The following SLC24A2 variants were observed in gnomAD, a reference collection of about 807,000 sequenced individuals.
SLC24A2 encodes solute carrier family 24 member 2.
In SLC24A2, 36 loss-of-function variants were observed where a neutral mutation model predicts 62.0. That is an observed-to-expected ratio of 0.58 (90% CI 0.44 to 0.77). The LOEUF is 0.77. Ranked by LOEUF, SLC24A2 falls within the 30% of genes least tolerant of loss-of-function variation. The probability of loss-of-function intolerance (pLI) is 0.00; values close to 1 mark genes in which losing one functional copy is unlikely to be tolerated. For missense variants in SLC24A2, 846 were observed against 817.9 expected (o/e 1.03, Z -0.42); for synonymous variants, 358 against 294.0 (o/e 1.22, Z -2.23).
the SLC24A2 span, among the ~76,000 whole-genome samples, chr9:20,138,481 C>G: frequency 5.9e-5 from 9 of 152,168 alleles, no homozygotes; most frequent in African/African-American, 1.7e-4. Flanking sequence ...CTTATGAAAT[C>G]TGGATCCTGA....
chr9:19,675,520 G>A (rs1455287350), intron 2 of SLC24A2, among the ~76,000 whole-genome samples: 1 of 152,138 alleles, frequency 6.6e-6, no homozygotes, highest in African/African-American at 2.4e-5. Flanking sequence ...CTTTTCGGGT[G>A]CGGCTTGCTG....
chr9:19,616,670 G>C (rs1249666249), intron 4 of SLC24A2, among the ~76,000 whole-genome samples: 1 of 152,158 alleles, frequency 6.6e-6, no homozygotes, highest in Admixed American at 6.6e-5. Flanking sequence ...TCTAGGCTTT[G>C]TGGGTAACTA....
the SLC24A2 span, among the ~76,000 whole-genome samples, chr9:19,877,842 A>C: frequency 6.6e-6 from 1 of 152,168 alleles, no homozygotes; most frequent in Admixed American, 6.5e-5. Context: ...AAGAGTGTAC[A>C]ACTTTGTGGC....
At chr9:20,067,566 C>A in the SLC24A2 span, among the ~76,000 whole-genome samples, 2 of 152,058 alleles carry the variant, frequency 1.3e-5, no homozygotes, top group Non-Finnish European at 2.9e-5. Context: ...TCCACAGTAT[C>A]TATTGTTCCC....
chr9:19,974,252 CT>C, the SLC24A2 span, among the ~76,000 whole-genome samples: 1 of 152,144 alleles, frequency 6.6e-6, no homozygotes, highest in Admixed American at 6.6e-5. Context: ...GAAATAATTT[CT>C]ACTTGGAAGG....
Position 19,783,186 on chromosome 9 carries a change from G to A in SLC24A2, c.930+2751C>T, listed in dbSNP as rs555465906. On this transcript the variant is annotated intron_variant, in intron 2 of 10. Transcript: ENST00000341998. ...TTGCCTATGAAGCAAGTAGTTTCAA[G>A]GATATTCACTGCCTAGAGCCCAGCA... 2.6e-5 allele frequency among the ~76,000 whole-genome samples: 4 copies of A among 152,246 alleles called. No individual in the cohort carries two copies. In the East Asian group the frequency reaches 7.7e-4, roughly 29 times the overall value.
At chr9:19,996,408 T>C in the SLC24A2 span, among the ~76,000 whole-genome samples, 3 of 152,296 alleles carry the variant, frequency 2.0e-5, no homozygotes, top group East Asian at 5.8e-4. Flanking sequence ...TATTTGTTAA[T>C]ATATGAATAC....
At chr9:20,175,789 T>C in the SLC24A2 span, among the ~76,000 whole-genome samples, 7 of 152,110 alleles carry the variant, frequency 4.6e-5, no homozygotes, top group Admixed American at 3.3e-4. Flanking sequence ...TAAGTTCCTT[T>C]AGATTGAAAA....
the SLC24A2 span, among the ~76,000 whole-genome samples, chr9:20,087,798 A>C: frequency 6.6e-6 from 1 of 151,840 alleles, no homozygotes; most frequent in South Asian, 2.1e-4. Context: ...AGGTACATGC[A>C]CTGGCATTCA....
the SLC24A2 span, among the ~76,000 whole-genome samples, chr9:20,051,860 C>T: frequency 6.6e-6 from 1 of 151,696 alleles, no homozygotes; most frequent in African/African-American, 2.4e-5. Context: ...ACAAGGACCC[C>T]TAATGTCACT....
chr9:20,268,306 G>T, the SLC24A2 span, among the ~76,000 whole-genome samples: 1 of 152,106 alleles, frequency 6.6e-6, no homozygotes, highest in Non-Finnish European at 1.5e-5. Flanking sequence ...CCACTGCTAT[G>T]GTTTGAATGT....
At chr9:19,853,460 T>C in the SLC24A2 span, among the ~76,000 whole-genome samples, 1 of 152,184 alleles carries the variant, frequency 6.6e-6, no homozygotes, top group Admixed American at 6.5e-5. Flanking sequence ...AAAATGGCTT[T>C]TATTATTTTG....
intron 2 of SLC24A2, among the ~76,000 whole-genome samples, chr9:19,740,885 G>A (rs78796686): frequency 4.1e-5 from 5 of 120,906 alleles, no homozygotes; most frequent in African/African-American, 9.8e-5. Context: ...AAAAAAAAAA[G>A]AGAGAGAGAA....
chr9:19,827,653 C>T, the SLC24A2 span, among the ~76,000 whole-genome samples: 1 of 152,114 alleles, frequency 6.6e-6, no homozygotes, highest in African/African-American at 2.4e-5. Flanking sequence ...ACCTCCCTCC[C>T]TCATTCTGCA....
chr9:19,556,749 A>G (rs1419523873), intron 7 of SLC24A2, among the ~76,000 whole-genome samples: 1 of 152,206 alleles, frequency 6.6e-6, no homozygotes, highest in African/African-American at 2.4e-5. Context: ...ATTTTACATA[A>G]AAACATAATT....
At position 19,786,271 on chromosome 9, in the gene SLC24A2, G is replaced by C; in HGVS notation, c.596C>G (p.Ala199Gly). Residue 199 changes from alanine (A) to glycine (G), a missense_variant, in exon 2 of 11, where the codon GCT becomes GGT. Transcript: ENST00000341998. This position sits in a 1 kb window ranked among gnomAD's most constrained non-coding sequence, Gnocchi z 5.0. Reference protein sequence around the residue: ...LFTSLIGVFIAHSNVGIGTIV... With the variant: ...LFTSLIGVFIGHSNVGIGTIV... ...TGTGCCTATGCCAACGTTGCTGTGA[G>C]CGATAAATACCCCTATGAGAGATGT... 1 of 1,614,142 alleles carries C rather than the reference G, an allele frequency of 6.2e-7. No homozygotes were observed. Among genetic ancestry groups the C allele is most frequent in the Non-Finnish European group, 8.5e-7 (1 of 1,180,040 alleles).
Position 19,619,588 on chromosome 9 carries a change from G to A in SLC24A2, c.1074C>T (p.Ala358=), listed in dbSNP as rs777423563. ...AAACCAAAGCTTGATGTTTACCTTC[G>A]GCGAGTGGGTCAAGGGTGTGTATCA... ...QLMIHTLDPL[A]EELGSYGKLK... is the part of the protein sequence containing the mutation. The change falls in exon 4 of 11, where the codon GCC becomes GCT. Residue 358 remains alanine (A), a synonymous_variant. Transcript: ENST00000341998. 27 of 1,611,450 alleles carry A rather than the reference G, an allele frequency of 1.7e-5. No homozygotes were observed. The highest frequency in any genetic ancestry group is 7.7e-5 in the South Asian group (7 of 91,044).
intron 10 of SLC24A2, among the ~76,000 whole-genome samples, chr9:19,518,208 G>C (rs1667216667): frequency 6.6e-6 from 1 of 152,002 alleles, no homozygotes; most frequent in Non-Finnish European, 1.5e-5. Context: ...TAGTAAATAA[G>C]TAAATGTAAT....
the SLC24A2 span, among the ~76,000 whole-genome samples, chr9:19,983,222 T>G: frequency 6.6e-6 from 1 of 152,236 alleles, no homozygotes; most frequent in East Asian, 1.9e-4. Flanking sequence ...TAAAACTATC[T>G]CTATTCACAG....
Sources: gnomAD v4.1 joint callset for allele counts (sites outside exome capture counted in the v4.1 genomes callset) on GRCh38, gnomAD v4.1.1 for gene constraint, Gnocchi (gnomAD v3.1) non-coding constraint, MANE v1.5 for transcripts, NCBI Gene and HGNC (gene_info 2026-07-23, HGNC 2026-07-21) for gene names.